The following TBCK variants were observed in gnomAD, a reference collection of about 807,000 sequenced individuals.
TBCK encodes the protein TBC1 domain containing kinase, also known as TBC domain-containing protein kinase-like protein.
TBCK carries 99 observed loss-of-function variants against 113.4 expected under a neutral mutation model. The observed-to-expected ratio is 0.87, with a 90% CI of 0.74 to 1.03. The LOEUF is 1.03. Ranked by LOEUF, TBCK falls within the 50% of genes least tolerant of loss-of-function variation. The pLI, the probability that TBCK is intolerant of heterozygous loss-of-function variation, is 0.00. For missense variants in TBCK, 1,045 were observed against 1,061.3 expected, an observed-to-expected ratio of 0.98 and a Z score of 0.21; for synonymous variants, 369 against 370.8, an observed-to-expected ratio of 1.00 and a Z score of 0.05.
intron 19 of TBCK, among the ~76,000 whole-genome samples, chr4:106,226,176 T>TA (rs147436736): frequency 0.014 from 2,076 of 152,196 alleles, 54 homozygotes; most frequent in African/African-American, 0.047. Context: ...AAAAGTGTGT[T>TA]AAAAAAGCCT....
chr4:106,089,037 CT>C lies in TBCK; in HGVS notation c.2571+6444del, dbSNP rs59250305. Among the ~76,000 whole-genome samples the C allele has an allele frequency of 3.4e-4, 50 of 147,188 alleles. No individual in the cohort carries two copies. In the East Asian group the frequency reaches 4.8e-3, roughly 14 times the overall value. The stretch of plus-strand genomic sequence containing the variant: ...AACCTGCATGTTCTGTACATGTATC[CT>C]TTTTTTTTTTAATAGAAGAAATTAA... On this transcript the variant is annotated intron_variant, in intron 25 of 25. Coordinates refer to ENST00000394708, the MANE Select transcript of TBCK (RefSeq NM_001163435.3).
At chr4:106,193,262 CT>C (rs1422711472) in intron 22 of TBCK, among the ~76,000 whole-genome samples, 1 of 152,090 alleles carries the variant, frequency 6.6e-6, no homozygotes, top group African/African-American at 2.4e-5. Flanking sequence ...TCTTAAACAC[CT>C]TCCCAAGTGG....
chr4:106,254,272 A>C (rs923019657), intron 5 of TBCK, among the ~76,000 whole-genome samples: 6 of 152,216 alleles, frequency 3.9e-5, no homozygotes, highest in Non-Finnish European at 8.8e-5. Context: ...AAGCACAGTA[A>C]ACTAGCCTCA....
chr4:106,162,028 G>T (rs1749861177), intron 23 of TBCK, among the ~76,000 whole-genome samples: 1 of 152,076 alleles, frequency 6.6e-6, no homozygotes, highest in Admixed American at 6.6e-5. Flanking sequence ...CTGAGACAAA[G>T]CAGTCTCTTC....
At chr4:106,236,678 C>A in intron 13 of TBCK, 81 bp downstream of exon 13, 1 of 1,041,300 alleles carries the variant, frequency 9.6e-7, no homozygotes, top group Non-Finnish European at 1.3e-6. Context: ...AAACATTTTT[C>A]AAAGAAAATG....
At chr4:106,119,130 CTG>C (rs1743933270) in intron 23 of TBCK, among the ~76,000 whole-genome samples, 3 of 152,178 alleles carry the variant, frequency 2.0e-5, no homozygotes, top group African/African-American at 7.2e-5. Context: ...AAAAGTAAAA[CTG>C]TACAACTTTT....
intron 2 of TBCK, among the ~76,000 whole-genome samples, chr4:106,302,062 T>C (rs7356173): frequency 0.064 from 9,714 of 152,276 alleles, 366 homozygotes; most frequent in Non-Finnish European, 0.082. Context: ...TACACACAAC[T>C]TTTCAGAATG....
chr4:106,217,690 T>C (rs1453591060), intron 19 of TBCK, among the ~76,000 whole-genome samples: 1 of 150,250 alleles, frequency 6.7e-6, no homozygotes, highest in Non-Finnish European at 1.5e-5. Flanking sequence ...CAAGGAGAAC[T>C]ACAAACCACT....
At chr4:106,074,498 G>A (rs71599096) in intron 25 of TBCK, among the ~76,000 whole-genome samples, 2 of 152,126 alleles carry the variant, frequency 1.3e-5, no homozygotes, top group Admixed American at 6.5e-5. Context: ...AATTCTGTGA[G>A]GTAGGTATTT....
At chr4:106,243,955 G>A (rs988391654) in intron 11 of TBCK, among the ~76,000 whole-genome samples, 1 of 151,996 alleles carries the variant, frequency 6.6e-6, no homozygotes, top group Non-Finnish European at 1.5e-5. Flanking sequence ...CAAAGTGCTG[G>A]GATCACAGGC....
At chr4:106,069,875 G>A (rs571973939) in intron 25 of TBCK, among the ~76,000 whole-genome samples, 3 of 152,240 alleles carry the variant, frequency 2.0e-5, no homozygotes, top group African/African-American at 7.2e-5. Context: ...TTGTAAGTTG[G>A]ATTCCTAGGT....
chr4:106,149,225 G>A (rs1174067183), intron 23 of TBCK, among the ~76,000 whole-genome samples: 2 of 152,164 alleles, frequency 1.3e-5, no homozygotes, highest in Non-Finnish European at 2.9e-5. Flanking sequence ...ATATCAGCAG[G>A]AAGTCTGCTT....
chr4:106,278,892 G>T (rs1450300564), intron 3 of TBCK, among the ~76,000 whole-genome samples: 1 of 151,756 alleles, frequency 6.6e-6, no homozygotes, highest in Non-Finnish European at 1.5e-5. Flanking sequence ...ATATAGCTAA[G>T]AAGAAAAGAT....
At chr4:106,062,288 C>T (rs1229676538) in intron 25 of TBCK, among the ~76,000 whole-genome samples, 3 of 151,808 alleles carry the variant, frequency 2.0e-5, no homozygotes, top group Non-Finnish European at 4.4e-5. Flanking sequence ...TTCTTAAAAA[C>T]ATGCACTGGC....
intron 23 of TBCK, among the ~76,000 whole-genome samples, chr4:106,141,045 C>G (rs1294973959): frequency 1.4e-5 from 2 of 140,008 alleles, no homozygotes; most frequent in Non-Finnish European, 3.2e-5. Flanking sequence ...ATGCATGATA[C>G]TTTTATGACA....
chr4:106,256,475 A>C (rs571033295), intron 5 of TBCK, among the ~76,000 whole-genome samples: 1 of 152,242 alleles, frequency 6.6e-6, no homozygotes, highest in South Asian at 2.1e-4. Flanking sequence ...GTCCAACAGC[A>C]CCTGGGCTTG....
chr4:106,274,121 T>A (rs1412489311), intron 3 of TBCK, among the ~76,000 whole-genome samples: 1 of 152,120 alleles, frequency 6.6e-6, no homozygotes, highest in South Asian at 2.1e-4. Flanking sequence ...ATTGTTTATA[T>A]TAGGGAAATG....
rs758544852 is a variant in TBCK, at chr4:106,252,010, G to GT, written c.456-4dup. ...CAGGGGCCAAGTACGAGGGATACCT[G>GT]TAATGATACATTAAAATAATGAAAA... On this transcript the variant is annotated splice_polypyrimidine_tract_variant and splice_region_variant and intron_variant, in intron 5 of 25. Coordinates refer to ENST00000394708, the MANE Select transcript of TBCK (RefSeq NM_001163435.3). 1 of 1,582,680 alleles carries GT rather than the reference G, an allele frequency of 6.3e-7. No individual in the cohort carries two copies. Among genetic ancestry groups the GT allele is most frequent in the Non-Finnish European group, 8.6e-7 (1 of 1,166,312 alleles).
chr4:106,116,538 C>T (rs1006030547), intron 23 of TBCK, among the ~76,000 whole-genome samples, 160 bp from the exon 24 acceptor site: 1 of 152,108 alleles, frequency 6.6e-6, no homozygotes, highest in Non-Finnish European at 1.5e-5. Flanking sequence ...GTCTCCAACC[C>T]CCAGGCCATG....
Sources: gnomAD v4.1 joint callset for allele counts (sites outside exome capture counted in the v4.1 genomes callset) on GRCh38, gnomAD v4.1.1 for gene constraint, MANE v1.5 for transcripts, NCBI Gene and HGNC (gene_info 2026-07-23, HGNC 2026-07-21) for gene names.